Variants in WDPCP observed in about 807,000 individuals in gnomAD.
The protein encoded by WDPCP is WD repeat-containing and planar cell polarity effector protein fritz homolog.
WDPCP carries 71 observed loss-of-function variants against 93.1 expected under a neutral mutation model. The observed-to-expected ratio is 0.76, with a 90% CI of 0.63 to 0.93. The LOEUF is 0.93. WDPCP is among the 40% of genes least tolerant of loss of function. WDPCP has a pLI of 0.00. For missense variants in WDPCP, 844 were observed against 887.4 expected, an observed-to-expected ratio of 0.95 and a Z score of 0.62; for synonymous variants, 315 against 315.0, an observed-to-expected ratio of 1.00 and a Z score of 0.00.
intron 12 of WDPCP, among the ~76,000 whole-genome samples, chr2:63,345,061 G>A (rs189887953): frequency 2.6e-5 from 4 of 152,258 alleles, no homozygotes; most frequent in East Asian, 1.9e-4. Context: ...CTTAACAGTT[G>A]CTTCAGTGGA....
chr2:63,839,688 G>C, the WDPCP span, among the ~76,000 whole-genome samples: 1 of 152,202 alleles, frequency 6.6e-6, no homozygotes, highest in Admixed American at 6.5e-5. Flanking sequence ...ATGCTCATTG[G>C]TAAAGACTGC....
chr2:63,408,807 T>G (rs1204461239), intron 9 of WDPCP, among the ~76,000 whole-genome samples: 2 of 151,992 alleles, frequency 1.3e-5, no homozygotes, highest in African/African-American at 4.8e-5. Flanking sequence ...CCTGCATGAC[T>G]CAGCAGAAGC....
intron 13 of WDPCP, among the ~76,000 whole-genome samples, chr2:63,266,830 TAAAA>T (rs1050583587): frequency 6.6e-6 from 1 of 151,892 alleles, no homozygotes; most frequent in African/African-American, 2.4e-5. Context: ...TCAATAAAAT[TAAAA>T]AATAAATAAA....
At chr2:63,837,683 T>C in the WDPCP span, among the ~76,000 whole-genome samples, 1 of 152,242 alleles carries the variant, frequency 6.6e-6, no homozygotes, top group African/African-American at 2.4e-5. Context: ...TATTGTAAAG[T>C]CATCAGGGCA....
At chr2:63,555,065 G>T (rs929175760) in intron 1 of WDPCP, among the ~76,000 whole-genome samples, 10 of 152,240 alleles carry the variant, frequency 6.6e-5, no homozygotes, top group African/African-American at 2.4e-4. Flanking sequence ...ACAGCCACTT[G>T]GCTGGAGACT....
At chr2:63,658,909 C>G (rs1207488004) in intron 2 of WDPCP, among the ~76,000 whole-genome samples, 1 of 152,166 alleles carries the variant, frequency 6.6e-6, no homozygotes, top group Non-Finnish European at 1.5e-5. Flanking sequence ...AGAAATTGAT[C>G]TAGGACTTTC....
intron 12 of WDPCP, among the ~76,000 whole-genome samples, chr2:63,351,651 T>A (rs1200842246): frequency 6.6e-6 from 1 of 152,176 alleles, no homozygotes; most frequent in Non-Finnish European, 1.5e-5. Context: ...GGTACCACAT[T>A]TTCTTTATCA....
At position 63,709,853 on chromosome 2, in the gene WDPCP, G is replaced by A. The variant is rs1012445144; in HGVS notation, n.309-59015C>T. 2.0e-5 allele frequency among the ~76,000 whole-genome samples: 3 copies of A among 152,176 alleles called. No homozygotes were observed. The East Asian group carries it at 5.8e-4, about 29-fold the overall frequency. ...ATGTTTGACGAAGGGCTACTGCTGA[G>A]TAGGGAACAACAAAAATGATTAGAG... On this transcript the variant is annotated intron_variant and non_coding_transcript_variant, in intron 2 of 4. Coordinates refer to the WDPCP transcript ENST00000467687.
At chr2:63,660,177 A>T (rs1033032579) in intron 2 of WDPCP, among the ~76,000 whole-genome samples, 3 of 151,788 alleles carry the variant, frequency 2.0e-5, no homozygotes, top group Non-Finnish European at 1.5e-5. Context: ...TTCTTTTTTT[A>T]AAAAAATTCA....
chr2:63,213,880 G>A (rs540164757), intron 14 of WDPCP, among the ~76,000 whole-genome samples: 2 of 152,124 alleles, frequency 1.3e-5, no homozygotes, highest in South Asian at 4.2e-4. Flanking sequence ...AGAAGAAATG[G>A]ATAAATTCCT....
At chr2:63,779,319 G>T (rs1670353707) in intron 2 of WDPCP, among the ~76,000 whole-genome samples, 2 of 152,132 alleles carry the variant, frequency 1.3e-5, no homozygotes, top group Non-Finnish European at 2.9e-5. Flanking sequence ...TTTATGGTAG[G>T]ATGTATTGCT....
intron 14 of WDPCP, among the ~76,000 whole-genome samples, chr2:63,214,522 A>G (rs1260262678): frequency 6.6e-6 from 1 of 152,204 alleles, no homozygotes; most frequent in Non-Finnish European, 1.5e-5. Flanking sequence ...TATCATACTG[A>G]ATGGGCAAAA....
Position 63,404,099 on chromosome 2 carries a change from G to A in WDPCP, c.1384C>T (p.Leu462Phe), listed in dbSNP as rs1427106654. Residue 462 changes from leucine to phenylalanine, a missense_variant, in exon 10 of 18, where the codon CTC (leucine) becomes TTC (phenylalanine). Physicochemically the swap from Leu to Phe is conservative, Grantham distance 22. Transcript: ENST00000272321. The stretch of plus-strand genomic sequence containing the variant: ...GGTCCTCTTTCAAACCTGAGGAAGA[G>A]GAGATCATAGATATCACTACCTTCA... Reference protein sequence around the residue: ...KGEGSDIYDLLFLRFERGPLG... With the variant: ...KGEGSDIYDLFFLRFERGPLG... 6.2e-7 allele frequency: 1 copy of A among 1,614,114 alleles called. No individual in the cohort carries two copies. The highest frequency in any genetic ancestry group is 8.5e-7 in the Non-Finnish European group (1 of 1,179,984).
chr2:63,447,987 A>G (rs1474080580), intron 6 of WDPCP, among the ~76,000 whole-genome samples: 2 of 152,154 alleles, frequency 1.3e-5, no homozygotes, highest in African/African-American at 4.8e-5. Flanking sequence ...TGATTACCAG[A>G]AATCATTTTA....
At chr2:63,516,208 T>C (rs955388042) in intron 1 of WDPCP, among the ~76,000 whole-genome samples, 1 of 152,102 alleles carries the variant, frequency 6.6e-6, no homozygotes, top group African/African-American at 2.4e-5. Context: ...AGACATATTT[T>C]GGGGTACATG....
rs531361229 is a variant in WDPCP, at chr2:63,373,196, G to T, written c.1748+5190C>A. Among the ~76,000 whole-genome samples, 53 of 150,868 alleles carry T rather than the reference G, an allele frequency of 3.5e-4. 1 individual carries two copies. Among genetic ancestry groups the T allele is most frequent in the Non-Finnish European group, 5.9e-4 (40 of 67,696 alleles). On this transcript the variant is annotated intron_variant, in intron 12 of 17. Transcript: ENST00000272321. ...TAGCCCTCTTTGGAGTATTTATCTGGTATAAACTTTTTTATATTCTCTGAC... is the reference window on the plus strand; with the variant it reads ...TAGCCCTCTTTGGAGTATTTATCTGTTATAAACTTTTTTATATTCTCTGAC...
chr2:63,274,084 T>C (rs1302214811), intron 13 of WDPCP, among the ~76,000 whole-genome samples: 1 of 152,128 alleles, frequency 6.6e-6, no homozygotes, highest in Non-Finnish European at 1.5e-5. Flanking sequence ...TTCTCCAGGA[T>C]TGACCATATG....
chr2:63,267,670 C>A (rs1396037538), intron 13 of WDPCP, among the ~76,000 whole-genome samples: 1 of 152,112 alleles, frequency 6.6e-6, no homozygotes, highest in Non-Finnish European at 1.5e-5. Context: ...GTAAAAGTAT[C>A]TGAGCAGACA....
intron 1 of WDPCP, among the ~76,000 whole-genome samples, chr2:63,574,407 C>G (rs1184433013): frequency 6.6e-6 from 1 of 152,080 alleles, no homozygotes; most frequent in Non-Finnish European, 1.5e-5. Flanking sequence ...CTGAATTTCC[C>G]CCGATAGCAA....
Sources: gnomAD v4.1 joint callset for allele counts (sites outside exome capture counted in the v4.1 genomes callset) on GRCh38, gnomAD v4.1.1 for gene constraint, MANE v1.5 for transcripts, NCBI Gene and HGNC (gene_info 2026-07-23, HGNC 2026-07-21) for gene names.